The following EBF4 variants were observed in gnomAD, a reference collection of about 807,000 sequenced individuals.
EBF4 encodes the protein transcription factor COE4.
A neutral mutation model predicts 67.1 loss-of-function variants in EBF4; 34 were observed. That is an observed-to-expected ratio of 0.51 (90% CI 0.39 to 0.67). The LOEUF (loss-of-function observed/expected upper bound fraction) is 0.67, where lower values mean the gene tolerates loss of function less well. Ranked by LOEUF, EBF4 falls within the 30% of genes least tolerant of loss-of-function variation. The probability of loss-of-function intolerance (pLI) is 0.00; values close to 1 mark genes in which losing one functional copy is unlikely to be tolerated. For synonymous variants in EBF4, 387 were observed against 377.7 expected (o/e 1.02, Z -0.29); for missense variants, 837 against 873.3 (o/e 0.96, Z 0.52).
chr20:2,725,977 A>T (rs1024769518), intron 6 of EBF4, among the ~76,000 whole-genome samples: 3 of 151,530 alleles, frequency 2.0e-5, no homozygotes, highest in African/African-American at 7.3e-5. Context: ...TGCCGGGGGG[A>T]CCTCAAGATA....
chr20:2,752,358 CT>C lies in EBF4; in HGVS notation c.1354del (p.Tyr452ThrfsTer95). The stretch of plus-strand genomic sequence containing the variant: ...TGACGGCCGCGCTCTCTCTCGCAGG[CT>C]ACGCGCGCAGCTGCAGCAGCGCGTC... On this transcript the variant is annotated frameshift_variant and splice_region_variant, in exon 14 of 17. Coordinates refer to ENST00000609451, the Ensembl canonical transcript of EBF4. LOFTEE classifies it high-confidence loss of function. 8.2e-7 allele frequency: 1 copy of C among 1,220,204 alleles called. No homozygotes were observed. Among genetic ancestry groups the C allele is most frequent in the Admixed American group, 4.4e-5 (1 of 22,772 alleles). The allele number at this position is 1,220,204 out of a possible 1,614,324, so 75.6% of individuals were successfully genotyped here.
chr20:2,751,052 G>A lies in EBF4; in HGVS notation c.1019-648G>A, dbSNP rs938319519. Reference sequence around the variant, plus strand: ...AAAGGGGAAGGAGGAGGAGAAGGGCGTGGGGAGCTGGGTCAGACGCGCATA... The same window carrying A: ...AAAGGGGAAGGAGGAGGAGAAGGGCATGGGGAGCTGGGTCAGACGCGCATA... On this transcript the variant is annotated intron_variant, in intron 10 of 16. Transcript: ENST00000609451. The surrounding 1 kb of genome is among the most constrained non-coding windows in gnomAD (Gnocchi z 5.2). Among the ~76,000 whole-genome samples the A allele has an allele frequency of 6.6e-6, 1 of 152,028 alleles. No individual in the cohort carries two copies. Among genetic ancestry groups the A allele is most frequent in the Non-Finnish European group, 1.5e-5 (1 of 67,998 alleles).
intron 10 of EBF4, among the ~76,000 whole-genome samples, chr20:2,750,428 C>T (rs6115657): frequency 6.6e-6 from 1 of 152,242 alleles, no homozygotes; most frequent in Admixed American, 6.5e-5. Context: ...CGCACACACA[C>T]GTGCGTACAT....
intron 1 of EBF4, among the ~76,000 whole-genome samples, chr20:2,694,326 C>A (rs1347308888): frequency 1.3e-5 from 2 of 152,258 alleles, no homozygotes; most frequent in East Asian, 3.9e-4. Flanking sequence ...CCTGGCTGGA[C>A]TGATTGGCCT....
At chr20:2,695,434 G>C (rs572289823) in intron 1 of EBF4, among the ~76,000 whole-genome samples, 1 of 152,220 alleles carries the variant, frequency 6.6e-6, no homozygotes, top group Non-Finnish European at 1.5e-5. Flanking sequence ...GGGTTGAGTG[G>C]GCTTGGGGTG....
At chr20:2,715,909 C>T (rs745661182) in intron 6 of EBF4, among the ~76,000 whole-genome samples, 19 of 152,018 alleles carry the variant, frequency 1.2e-4, no homozygotes, top group Non-Finnish European at 2.6e-4. Flanking sequence ...CCATCACACC[C>T]TGTTAATTTT....
In EBF4 at chr20:2,745,189, G is replaced by A. The variant is rs1223886719; in HGVS notation, c.558-3360G>A. ...AGGGGAGGCCTGAGATTCTACACTT[G>A]TAGCAAGGTCTCAGGTGACGCTGAC... On this transcript the variant is annotated intron_variant, in intron 6 of 16. Coordinates refer to ENST00000609451, the Ensembl canonical transcript of EBF4. This position sits in a 1 kb window ranked among gnomAD's most constrained non-coding sequence, Gnocchi z 5.2. 5.3e-5 allele frequency among the ~76,000 whole-genome samples: 8 copies of A among 152,346 alleles called. No individual in the cohort carries two copies. In the East Asian group the frequency reaches 1.5e-3, roughly 29 times the overall value.
At chr20:2,719,552 C>T (rs899994015) in intron 6 of EBF4, among the ~76,000 whole-genome samples, 2 of 152,126 alleles carry the variant, frequency 1.3e-5, no homozygotes, top group Admixed American at 6.5e-5. Flanking sequence ...GGATTACAGG[C>T]ATGAACCACC....
intron 10 of EBF4, among the ~76,000 whole-genome samples, chr20:2,750,702 C>T (rs979107318): frequency 2.6e-5 from 4 of 152,274 alleles, no homozygotes; most frequent in African/African-American, 9.6e-5. Context: ...TCCAGTCTAA[C>T]GCGGAAAGGC....
chr20:2,694,019 C>G (rs955970804), intron 1 of EBF4, among the ~76,000 whole-genome samples: 4 of 152,196 alleles, frequency 2.6e-5, no homozygotes, highest in Admixed American at 6.5e-5. Context: ...CTGACGGCCG[C>G]TCGCGGGTGC....
intron 1 of EBF4, among the ~76,000 whole-genome samples, chr20:2,699,031 A>G (rs192417128): frequency 7.2e-5 from 11 of 152,262 alleles, no homozygotes; most frequent in African/African-American, 2.4e-4. Flanking sequence ...GGAAGAGAGA[A>G]CAGAGACTGT....
At chr20:2,737,108 G>C (rs1015419423) in intron 6 of EBF4, among the ~76,000 whole-genome samples, 1 of 150,724 alleles carries the variant, frequency 6.6e-6, no homozygotes, top group Non-Finnish European at 1.5e-5. Flanking sequence ...AAATTAGCCG[G>C]GCGTGGTGGC....
At position 2,755,712 on chromosome 20, in the gene EBF4, G is replaced by A. The variant is rs982330001; in HGVS notation, c.1626G>A (p.Ser542=). ...CCACCACCAGCGTGTTCTCCTTCTC[G>A]CCTGTCAACATGATCTCCGCCGTCA... Residue 542 remains serine (S), a synonymous_variant, in exon 15 of 17, where the codon TCG becomes TCA. Transcript: ENST00000609451. The surrounding 1 kb of genome is among the most constrained non-coding windows in gnomAD (Gnocchi z 4.7). 1.4e-4 allele frequency: 218 copies of A among 1,549,546 alleles called. No homozygotes were observed. Among genetic ancestry groups the A allele is most frequent in the Non-Finnish European group, 1.7e-4 (198 of 1,146,808 alleles).
At chr20:2,699,804 T>C (rs1427521974) in intron 1 of EBF4, among the ~76,000 whole-genome samples, 1 of 152,206 alleles carries the variant, frequency 6.6e-6, no homozygotes, top group African/African-American at 2.4e-5. Context: ...AGTTCTTACT[T>C]GTATTTGTCA....
At chr20:2,727,950 T>C (rs1477848368) in intron 6 of EBF4, among the ~76,000 whole-genome samples, 1 of 152,186 alleles carries the variant, frequency 6.6e-6, no homozygotes, top group African/African-American at 2.4e-5. Context: ...CCTTCTATAT[T>C]CTAGATAGTA....
chr20:2,754,416 C>T (rs762933156), intron 14 of EBF4, among the ~76,000 whole-genome samples: 1 of 152,140 alleles, frequency 6.6e-6, no homozygotes, highest in Non-Finnish European at 1.5e-5. Context: ...AAAATGTGGC[C>T]GTGAGCCCTG....
At chr20:2,749,304 A>G in intron 7 of EBF4, 97 bp from the exon 8 acceptor site, 1 of 918,378 alleles carries the variant, frequency 1.1e-6, no homozygotes, top group Non-Finnish European at 1.6e-6. Flanking sequence ...AAATTCCAGC[A>G]TCCAACCACC....
chr20:2,732,101 CT>C (rs1041748003), intron 6 of EBF4, among the ~76,000 whole-genome samples: 142 of 144,102 alleles, frequency 9.9e-4, no homozygotes, highest in South Asian at 2.0e-3. Context: ...GATACATGTG[CT>C]TTTTTTTTTT....
intron 14 of EBF4, chr20:2,754,979 C>CTCCG (rs1555789843): frequency 8.1e-6 from 1 of 123,930 alleles, no homozygotes; most frequent in African/African-American, 2.9e-5. Context: ...CACCCCCCCC[C>CTCCG]ACAGGGCCCA....
Sources: allele counts gnomAD v4.1 joint callset (sites outside exome capture counted in the v4.1 genomes callset), GRCh38; gene constraint gnomAD v4.1.1; non-coding constraint Gnocchi (gnomAD v3.1); transcripts MANE v1.5; gene names NCBI Gene and HGNC (gene_info 2026-07-23, HGNC 2026-07-21).